Variants in ZNF10 observed in about 807,000 individuals in gnomAD.
ZNF10 encodes zinc finger protein 10.
A neutral mutation model predicts 12.2 loss-of-function variants in ZNF10; 8 were observed. That is an observed-to-expected ratio of 0.66 (90% CI 0.39 to 1.18). ZNF10 has a LOEUF of 1.18. Among genes scored for constraint, ZNF10 ranks in the 50% most tolerant of loss-of-function variants. ZNF10 has a pLI of 0.01. For synonymous variants in ZNF10, 229 were observed against 228.2 expected (o/e 1.00, Z -0.03); for missense variants, 603 against 678.9 (o/e 0.89, Z 1.24).
At position 133,155,735 on chromosome 12, in the gene ZNF10, C is replaced by G. The variant is rs771562052; in HGVS notation, c.489C>G (p.Val163=). ...AGAAAGTACTTACTCAGGAGAGAGT[C>G]TCTGAAAGTGGTAAATATGGGGGAA... ...TQKKVLTQER[V]SESGKYGGNC... The change falls in exon 5 of 5, where the codon GTC becomes GTG. Residue 163 remains valine, a synonymous_variant. Transcript: ENST00000248211. 1 of 1,612,316 alleles carries G rather than the reference C, an allele frequency of 6.2e-7. No homozygotes were observed. The highest frequency in any genetic ancestry group is 8.5e-7 in the Non-Finnish European group (1 of 1,179,334).
chr12:133,153,425 C>A (rs372283198), intron 4 of ZNF10, among the ~76,000 whole-genome samples: 2 of 152,180 alleles, frequency 1.3e-5, no homozygotes, highest in East Asian at 3.8e-4. Context: ...AAACTCTCCA[C>A]TCAGAATTGT....
At chr12:133,145,761 T>G (rs906233748) in intron 2 of ZNF10, among the ~76,000 whole-genome samples, 20 of 151,984 alleles carry the variant, frequency 1.3e-4, no homozygotes, top group African/African-American at 3.4e-4. Context: ...GCCAAGATCA[T>G]GCCACTGCAC....
intron 1 of ZNF10, among the ~76,000 whole-genome samples, chr12:133,132,080 A>G (rs1322700925): frequency 1.3e-5 from 2 of 152,236 alleles, no homozygotes; most frequent in Admixed American, 6.5e-5. Flanking sequence ...TCAACAAGTT[A>G]GCACATACTT....
intron 2 of ZNF10, among the ~76,000 whole-genome samples, chr12:133,146,731 A>G (rs1445480046): frequency 6.6e-6 from 1 of 152,020 alleles, no homozygotes; most frequent in African/African-American, 2.4e-5. Context: ...CTATAAACTC[A>G]GGTACCTGGG....
intron 2 of ZNF10, among the ~76,000 whole-genome samples, chr12:133,145,779 C>T (rs966701469): frequency 3.3e-5 from 5 of 151,274 alleles, no homozygotes; most frequent in East Asian, 1.9e-4. Context: ...CACTCCAGCC[C>T]GCGTGTCAGA....
At position 133,151,880 on chromosome 12, in the gene ZNF10, GAA is replaced by G; in HGVS notation, c.234_235del (p.Glu78AspfsTer8). On this transcript the variant is annotated frameshift_variant, in exon 4 of 5. Transcript: ENST00000248211. LOFTEE classifies it low-confidence loss of function (END_TRUNC). ...AGAAGAGCCCTGGCTGGTGGAGAGA[GAA>G]ATTCACCAAGAGACCCATCCTGGTG... ...KGEEPWLVER[E>X]IHQETHPDSE... 6.2e-7 allele frequency: 1 copy of G among 1,613,472 alleles called. No homozygotes were observed. Among genetic ancestry groups the G allele is most frequent in the Non-Finnish European group, 8.5e-7 (1 of 1,179,554 alleles).
chr12:133,155,897 A>G lies in ZNF10; in HGVS notation c.651A>G (p.Gln217=). Reference sequence around the variant, plus strand: ...CAAGTAACAGTAATGAATGTGGTCAAACTTTCTGTCAAAACATTCACCTTA... The same window carrying G: ...CAAGTAACAGTAATGAATGTGGTCAGACTTTCTGTCAAAACATTCACCTTA... ...SCASNSNECG[Q]TFCQNIHLIQ... is the part of the protein sequence containing the mutation. Residue 217 remains glutamine, a synonymous_variant, in exon 5 of 5, where the codon CAA becomes CAG. Transcript: ENST00000248211. The G allele has an allele frequency of 6.2e-7, 1 of 1,613,838 alleles. No homozygotes were observed. Among genetic ancestry groups the G allele is most frequent in the Non-Finnish European group, 8.5e-7 (1 of 1,179,870 alleles).
At position 133,156,247 on chromosome 12, in the gene ZNF10, C is replaced by T; in HGVS notation, c.1001C>T (p.Ser334Phe). The T allele has an allele frequency of 6.2e-7, 1 of 1,614,132 alleles. No individual in the cohort carries two copies. Among genetic ancestry groups the T allele is most frequent in the Non-Finnish European group, 8.5e-7 (1 of 1,180,014 alleles). ...KECGKSFSWF[S>F]HLVTHQRTHT... is the part of the protein sequence containing the mutation. ...TGTGGAAAATCCTTCAGCTGGTTCT[C>T]TCACCTTGTTACTCATCAGAGAACT... The change falls in exon 5 of 5, where the codon TCT becomes TTT. Residue 334 changes from serine (S) to phenylalanine (F), a missense_variant. This residue lies in a region of ZNF10 where 393 missense variants were observed against 399.7 expected (regional missense o/e 0.98). Coordinates refer to ENST00000248211, the MANE Select transcript of ZNF10 (RefSeq NM_015394.5).
chr12:133,131,283 GAGAC>G (rs1410250633), intron 1 of ZNF10, among the ~76,000 whole-genome samples: 1 of 151,588 alleles, frequency 6.6e-6, no homozygotes, highest in African/African-American at 2.4e-5. Context: ...TTTATTTTCA[GAGAC>G]AGATCATAAG....
Position 133,157,881 on chromosome 12 carries a change from T to C in ZNF10, c.*913T>C, listed in dbSNP as rs1027231630. 6 of 152,316 alleles carry C rather than the reference T, an allele frequency of 3.9e-5. No individual in the cohort carries two copies. The highest frequency in any genetic ancestry group is 1.9e-4 in the East Asian group (1 of 5,192). 9.4% of individuals were successfully genotyped at this position (152,316 alleles called of 1,614,324 possible). Reference sequence around the variant, plus strand: ...CTGGATGTTAGGACCTAGGGGAACATTGGGCATTTGAACATATCAGGGAGG... The same window carrying C: ...CTGGATGTTAGGACCTAGGGGAACACTGGGCATTTGAACATATCAGGGAGG... On this transcript the variant is annotated 3_prime_UTR_variant, in exon 5 of 5. Coordinates refer to ENST00000248211, the MANE Select transcript of ZNF10 (RefSeq NM_015394.5).
rs1473411872 is a variant in ZNF10 at position 133,144,455 on chromosome 12, C to T, written c.-38C>T. 6.2e-7 allele frequency: 1 copy of T among 1,610,000 alleles called. No homozygotes were observed. Among genetic ancestry groups the T allele is most frequent in the African/African-American group, 1.3e-5 (1 of 74,920 alleles). On this transcript the variant is annotated 5_prime_UTR_variant, in exon 2 of 5. Coordinates refer to ENST00000248211, the MANE Select transcript of ZNF10 (RefSeq NM_015394.5). ...CCAGCTTTGTCTCCTCAGCACTCTG[C>T]TGTCACTCAAGGAAGTATCATCAAG... is the stretch of plus-strand genomic sequence containing the variant.
intron 2 of ZNF10, among the ~76,000 whole-genome samples, chr12:133,148,676 A>G (rs1955989562): frequency 6.6e-6 from 1 of 150,850 alleles, no homozygotes; most frequent in Admixed American, 6.6e-5. Context: ...TTGTATGATT[A>G]GTGTTTCCAT....
chr12:133,157,012 A>T lies in ZNF10; in HGVS notation c.*44A>T. The T allele has an allele frequency of 1.4e-6, 2 of 1,385,516 alleles. No individual in the cohort carries two copies. Among genetic ancestry groups the T allele is most frequent in the Non-Finnish European group, 1.9e-6 (2 of 1,061,844 alleles). The allele number at this position is 1,385,516 out of a possible 1,614,324, so 85.8% of individuals were successfully genotyped here. ...ACAAAGAGCAATGACTTTATTTTGC[A>T]TTGGAGAACTCCTGGAGATAAGCTG... On this transcript the variant is annotated 3_prime_UTR_variant, in exon 5 of 5. Transcript: ENST00000248211.
At chr12:133,138,186 G>T (rs1168160842) in intron 1 of ZNF10, among the ~76,000 whole-genome samples, 2 of 152,084 alleles carry the variant, frequency 1.3e-5, no homozygotes, top group Non-Finnish European at 2.9e-5. Flanking sequence ...TTAGATAAAG[G>T]TTTGAGTGAG....
At chr12:133,147,827 C>G (rs891819654) in intron 2 of ZNF10, among the ~76,000 whole-genome samples, 1 of 150,322 alleles carries the variant, frequency 6.7e-6, no homozygotes, top group African/African-American at 2.4e-5. Flanking sequence ...GGGGTTTCAC[C>G]GTGTTGCCCA....
chr12:133,140,729 T>C (rs1390882471), intron 1 of ZNF10, among the ~76,000 whole-genome samples: 1 of 152,216 alleles, frequency 6.6e-6, no homozygotes, highest in African/African-American at 2.4e-5. Context: ...TAAATTTGAC[T>C]ATTTCCTATA....
chr12:133,147,813 A>T (rs1955985086), intron 2 of ZNF10, among the ~76,000 whole-genome samples: 1 of 146,030 alleles, frequency 6.8e-6, no homozygotes, highest in African/African-American at 2.5e-5. Flanking sequence ...ATTTTAGTAG[A>T]GACGGGGTTT....
At chr12:133,146,048 G>A (rs1400233721) in intron 2 of ZNF10, among the ~76,000 whole-genome samples, 1 of 152,168 alleles carries the variant, frequency 6.6e-6, no homozygotes, top group East Asian at 1.9e-4. Flanking sequence ...AACTGGGCAG[G>A]CTTCTTAGAA....
chr12:133,140,690 G>T (rs1955940268), intron 1 of ZNF10, among the ~76,000 whole-genome samples: 1 of 151,912 alleles, frequency 6.6e-6, no homozygotes, highest in Admixed American at 6.6e-5. Context: ...TTTAAATTTA[G>T]ATTTTTTTAA....
Sources: gnomAD v4.1 joint callset for allele counts (sites outside exome capture counted in the v4.1 genomes callset) on GRCh38, gnomAD v4.1.1 for gene constraint, gnomAD v4.1.1 regional missense constraint, MANE v1.5 for transcripts, NCBI Gene and HGNC (gene_info 2026-07-23, HGNC 2026-07-21) for gene names.